Variants in RBMS1 observed in about 807,000 individuals in gnomAD.
RBMS1 encodes RNA-binding motif, single-stranded-interacting protein 1.
A neutral mutation model predicts 62.3 loss-of-function variants in RBMS1; 17 were observed. The ratio of observed to expected loss-of-function variants is 0.27; its 90% CI spans 0.19 to 0.41. The LOEUF (loss-of-function observed/expected upper bound fraction) is 0.41, where lower values mean the gene tolerates loss of function less well. Ranked by LOEUF, RBMS1 falls within the 10% of genes least tolerant of loss-of-function variation. The pLI is 1.00. For missense variants in RBMS1, 334 were observed against 504.5 expected (o/e 0.66, Z 3.24); for synonymous variants, 172 against 170.0 (o/e 1.01, Z -0.09).
intron 1 of RBMS1, among the ~76,000 whole-genome samples, chr2:160,386,288 A>C (rs1694569769): frequency 6.6e-6 from 1 of 152,210 alleles, no homozygotes; most frequent in Admixed American, 6.5e-5. Context: ...CTGTAATCCC[A>C]ACACTTTGGG....
At chr2:160,385,963 A>C (rs1410091736) in intron 1 of RBMS1, among the ~76,000 whole-genome samples, 1 of 152,196 alleles carries the variant, frequency 6.6e-6, no homozygotes, top group Non-Finnish European at 1.5e-5. Flanking sequence ...AACATGGTAT[A>C]ATGTTTCTAC....
intron 2 of RBMS1, among the ~76,000 whole-genome samples, chr2:160,342,771 A>C (rs909060703): frequency 2.2e-4 from 2 of 9,108 alleles, no homozygotes; most frequent in Non-Finnish European, 3.6e-4. Context: ...ACAAAATACA[A>C]AAAAAAAAAA....
chr2:160,490,710 A>G (rs561970518), intron 1 of RBMS1, among the ~76,000 whole-genome samples: 173 of 152,310 alleles, frequency 1.1e-3, no homozygotes, highest in Non-Finnish European at 1.6e-3. Flanking sequence ...CAAACTGTTA[A>G]GTTCCATTTT....
At chr2:160,471,441 G>GT (rs937408709) in intron 1 of RBMS1, among the ~76,000 whole-genome samples, 41 of 151,796 alleles carry the variant, frequency 2.7e-4, no homozygotes, top group African/African-American at 9.9e-4. Flanking sequence ...GATATTTTAA[G>GT]TTTATAAAGT....
chr2:160,457,934 T>C (rs1405542831), intron 1 of RBMS1, among the ~76,000 whole-genome samples: 3 of 143,380 alleles, frequency 2.1e-5, no homozygotes, highest in Non-Finnish European at 4.6e-5. Flanking sequence ...TAAAATTTAT[T>C]TTTGGGGTTA....
chr2:160,273,958 C>G lies in RBMS1; in HGVS notation c.*814G>C, dbSNP rs1687697241. 1 of 152,630 alleles carries G rather than the reference C, an allele frequency of 6.6e-6. No individual in the cohort carries two copies. The highest frequency in any genetic ancestry group is 2.4e-5 in the African/African-American group (1 of 41,448). 9.5% of individuals were successfully genotyped at this position (152,630 alleles called of 1,614,324 possible). Reference sequence around the variant, plus strand: ...TTTTTCCCTTCTTGCATTTCACTACCTTACACATTATGTGAAAAATCATTA... The same window carrying G: ...TTTTTCCCTTCTTGCATTTCACTACGTTACACATTATGTGAAAAATCATTA... On this transcript the variant is annotated 3_prime_UTR_variant, in exon 14 of 14. Transcript: ENST00000348849.
At chr2:160,448,577 G>A (rs564656621) in intron 1 of RBMS1, among the ~76,000 whole-genome samples, 1 of 152,388 alleles carries the variant, frequency 6.6e-6, no homozygotes, top group African/African-American at 2.4e-5. Flanking sequence ...ATTGCAGACA[G>A]AGTCTCGCTC....
intron 2 of RBMS1, among the ~76,000 whole-genome samples, chr2:160,350,715 G>A (rs969629200): frequency 3.9e-5 from 6 of 152,244 alleles, no homozygotes; most frequent in African/African-American, 1.4e-4. Flanking sequence ...AGTATTCCAT[G>A]GTGTATATGT....
intron 5 of RBMS1, among the ~76,000 whole-genome samples, chr2:160,301,694 A>G (rs1362258782): frequency 6.6e-6 from 1 of 152,212 alleles, no homozygotes; most frequent in African/African-American, 2.4e-5. Context: ...TTTTAGTTTT[A>G]TGATAAAACT....
chr2:160,328,759 A>C (rs1691093024), intron 2 of RBMS1, among the ~76,000 whole-genome samples: 1 of 152,194 alleles, frequency 6.6e-6, no homozygotes, highest in African/African-American at 2.4e-5. Flanking sequence ...ACTGTTTTTC[A>C]AGTGTCTCTA....
In RBMS1 at chr2:160,493,473, G is replaced by A. The variant is rs1234591148; in HGVS notation, c.-110C>T. 5.2e-6 allele frequency: 5 copies of A among 964,466 alleles called. No individual in the cohort carries two copies. The highest frequency in any genetic ancestry group is 4.1e-5 in the Admixed American group (2 of 48,286). The allele number at this position is 964,466 out of a possible 1,614,324, so 59.7% of individuals were successfully genotyped here. A position where few individuals can be genotyped will look rare whatever the true frequency, so the allele number is the denominator to read the frequency against. Reference sequence around the variant, plus strand: ...CGGCGGCGGCAGCGGCGGCGGCGGCGGCGGCTGCTGCTGCTGCCGCTGCTC... The same window carrying A: ...CGGCGGCGGCAGCGGCGGCGGCGGCAGCGGCTGCTGCTGCTGCCGCTGCTC... On this transcript the variant is annotated 5_prime_UTR_variant, in exon 1 of 14. Coordinates refer to ENST00000348849, the MANE Select transcript of RBMS1 (RefSeq NM_016836.4).
Position 160,274,611 on chromosome 2 carries a change from T to C in RBMS1, c.*161A>G, listed in dbSNP as rs1159289419. 1.3e-5 allele frequency: 2 copies of C among 152,180 alleles called. No individual in the cohort carries two copies. The highest frequency in any genetic ancestry group is 4.8e-5 in the African/African-American group (2 of 41,288). 9.4% of individuals were successfully genotyped at this position (152,180 alleles called of 1,614,324 possible). ...GGTTTTATGCACCTTATAGAACTTA[T>C]AGCAAAAATAGTTTTAGTTGATTTC... On this transcript the variant is annotated 3_prime_UTR_variant, in exon 14 of 14. Transcript: ENST00000348849.
chr2:160,488,235 T>C (rs1168436926), intron 1 of RBMS1, among the ~76,000 whole-genome samples: 1 of 152,224 alleles, frequency 6.6e-6, no homozygotes, highest in African/African-American at 2.4e-5. Context: ...CTGCCTCTCA[T>C]GAGGCACAGC....
intron 1 of RBMS1, among the ~76,000 whole-genome samples, chr2:160,437,626 C>G (rs538748520): frequency 6.6e-6 from 1 of 152,368 alleles, no homozygotes; most frequent in African/African-American, 2.4e-5. Context: ...TACGACACTT[C>G]GTCTGGATCG....
chr2:160,331,530 G>T (rs572685451), intron 2 of RBMS1, among the ~76,000 whole-genome samples: 2 of 152,096 alleles, frequency 1.3e-5, no homozygotes, highest in East Asian at 3.8e-4. Flanking sequence ...TTTCCTCCTC[G>T]TATATGAGGC....
intron 2 of RBMS1, among the ~76,000 whole-genome samples, chr2:160,338,074 C>T (rs1691676628): frequency 6.6e-6 from 1 of 152,180 alleles, no homozygotes; most frequent in Non-Finnish European, 1.5e-5. Flanking sequence ...ATGTAGGTTA[C>T]AGATTTCCTC....
At chr2:160,451,428 A>AG (rs975748103) in intron 1 of RBMS1, among the ~76,000 whole-genome samples, 2 of 152,196 alleles carry the variant, frequency 1.3e-5, no homozygotes, top group African/African-American at 4.8e-5. Flanking sequence ...ATCCAAAAAA[A>AG]GTATTTCCTT....
chr2:160,300,576 A>T, intron 6 of RBMS1, 75 bp downstream of exon 6: 1 of 1,464,344 alleles, frequency 6.8e-7, no homozygotes, highest in Non-Finnish European at 9.0e-7. Flanking sequence ...TGTTCTATTG[A>T]AGAGTCATCA....
At chr2:160,475,705 G>C (rs1383396348) in intron 1 of RBMS1, among the ~76,000 whole-genome samples, 2 of 152,028 alleles carry the variant, frequency 1.3e-5, no homozygotes, top group Admixed American at 6.6e-5. Context: ...CACAGTTTTA[G>C]GTCCTTAGAA....
Sources: allele counts gnomAD v4.1 joint callset (sites outside exome capture counted in the v4.1 genomes callset), GRCh38; gene constraint gnomAD v4.1.1; transcripts MANE v1.5; gene names NCBI Gene and HGNC (gene_info 2026-07-23, HGNC 2026-07-21).